The following CCDC157 variants were observed in gnomAD, a reference collection of about 807,000 sequenced individuals.
CCDC157 encodes coiled-coil domain-containing protein 157.
Under a neutral mutation model 70.9 loss-of-function variants are expected in CCDC157, and 60 were observed. The observed-to-expected ratio is 0.85, with a 90% CI of 0.69 to 1.05. CCDC157 has a LOEUF of 1.05. Ranked by LOEUF, CCDC157 falls within the 50% of genes least tolerant of loss-of-function variation. The probability of loss-of-function intolerance (pLI) is 0.00; values close to 1 mark genes in which losing one functional copy is unlikely to be tolerated. For synonymous variants in CCDC157, 373 were observed against 422.4 expected, an observed-to-expected ratio of 0.88 and a Z score of 1.43; for missense variants, 943 against 984.2, an observed-to-expected ratio of 0.96 and a Z score of 0.56.
At chr22:30,366,365 T>C in intron 3 of CCDC157, 117 bp downstream of exon 3, 2 of 1,294,982 alleles carry the variant, frequency 1.5e-6, no homozygotes, top group Non-Finnish European at 2.2e-6. Context: ...CAGTCACCAT[T>C]GAGTACCTGT....
intron 3 of CCDC157, among the ~76,000 whole-genome samples, chr22:30,367,360 A>T (rs1207419932): frequency 4.0e-5 from 6 of 151,704 alleles, no homozygotes. Context: ...TTCAGCCTCC[A>T]AAGTAGCTGG....
intron 3 of CCDC157, chr22:30,369,151 C>CT: frequency 3.4e-6 from 1 of 293,428 alleles, no homozygotes; most frequent in South Asian, 1.6e-4. Context: ...AAGGCCAGGC[C>CT]TGGCTTCACA....
chr22:30,376,368 G>A, intron 11 of CCDC157, 21 bp downstream of exon 11: 1 of 1,613,912 alleles, frequency 6.2e-7, no homozygotes, highest in Non-Finnish European at 8.5e-7. Context: ...CTTTACTGGA[G>A]GTGGGGCAGG....
At chr22:30,373,854 C>T (rs192309087) in intron 8 of CCDC157, 69 bp from the exon 9 acceptor site, 27 of 1,544,092 alleles carry the variant, frequency 1.7e-5, no homozygotes, top group Non-Finnish European at 2.1e-5. Flanking sequence ...TGGGTAGGGA[C>T]GGTGCCCCAG....
chr22:30,361,563 G>A (rs1414324346), intron 1 of CCDC157, among the ~76,000 whole-genome samples: 1 of 152,148 alleles, frequency 6.6e-6, no homozygotes, highest in Non-Finnish European at 1.5e-5. Flanking sequence ...TACCCCATCT[G>A]TGGCTAGTAG....
chr22:30,373,634 T>G lies in CCDC157; in HGVS notation c.1373T>G (p.Leu458Arg). Residue 458 changes from leucine (L) to arginine (R), a missense_variant, in exon 8 of 12, where the codon CTG becomes CGG. Physicochemically the swap from Leu to Arg is moderately radical, Grantham distance 102. Transcript: ENST00000338306. ...QAKQRALLKQ[L>R]DSLDQEREEL... ...AAGCAGCGAGCCCTGCTAAAGCAGCTGGACAGCCTGGACCAGGAACGTGAG... is the reference window on the plus strand; with the variant it reads ...AAGCAGCGAGCCCTGCTAAAGCAGCGGGACAGCCTGGACCAGGAACGTGAG... 1 of 1,557,766 alleles carries G rather than the reference T, an allele frequency of 6.4e-7. No homozygotes were observed. Among genetic ancestry groups the G allele is most frequent in the East Asian group, 2.4e-5 (1 of 41,636 alleles).
chr22:30,367,534 T>C (rs1932776136), intron 3 of CCDC157, among the ~76,000 whole-genome samples: 1 of 151,468 alleles, frequency 6.6e-6, no homozygotes, highest in Non-Finnish European at 1.5e-5. Flanking sequence ...CTACTGCACC[T>C]GGCTGGTGCG....
In CCDC157 at chr22:30,369,577, A is replaced by C; in HGVS notation, c.394A>C (p.Thr132Pro). ...RFWDSLLRLG[T>P]LHQQPLPQKG... is the part of the protein sequence containing the mutation. Reference sequence around the variant, plus strand: ...CTGGGACAGCCTGCTGAGGCTGGGCACGCTCCACCAGCAGCCACTCCCCCA... The same window carrying C: ...CTGGGACAGCCTGCTGAGGCTGGGCCCGCTCCACCAGCAGCCACTCCCCCA... The change falls in exon 4 of 12, where the codon ACG becomes CCG. Residue 132 changes from threonine (T) to proline (P), a missense_variant. By Grantham distance (38) the Thr-to-Pro change is conservative. Transcript: ENST00000338306. 1 of 1,581,438 alleles carries C rather than the reference A, an allele frequency of 6.3e-7. No homozygotes were observed. Among genetic ancestry groups the C allele is most frequent in the Non-Finnish European group, 8.6e-7 (1 of 1,166,176 alleles).
intron 2 of CCDC157, among the ~76,000 whole-genome samples, chr22:30,364,132 C>T (rs1932554900): frequency 6.6e-6 from 1 of 152,044 alleles, no homozygotes; most frequent in African/African-American, 2.4e-5. Context: ...CCCGTCTTTA[C>T]AAAAAATTTT....
Position 30,370,499 on chromosome 22 carries a change from C to G in CCDC157, c.594C>G (p.Phe198Leu), listed in dbSNP as rs144543602. The G allele has an allele frequency of 8.7e-6, 14 of 1,614,104 alleles. No homozygotes were observed. The highest frequency in any genetic ancestry group is 1.2e-5 in the Non-Finnish European group (14 of 1,180,028). The change falls in exon 5 of 12, where the codon TTC (phenylalanine) becomes TTG (leucine). Residue 198 changes from phenylalanine (F) to leucine (L), a missense_variant. Phe to Leu is a conservative substitution (Grantham distance 22, BLOSUM62 0). Transcript: ENST00000338306. Reference protein sequence around the residue: ...ESIPVRASLQFPATTFKNTRS... With the variant: ...ESIPVRASLQLPATTFKNTRS... ...TCCCTGTCAGAGCCTCCCTGCAGTT[C>G]CCAGCCACGACCTTCAAGAACACCA...
chr22:30,372,371 A>G (rs1277718317), intron 7 of CCDC157, 85 bp downstream of exon 7: 6 of 1,431,648 alleles, frequency 4.2e-6, no homozygotes, highest in Non-Finnish European at 5.5e-6. Context: ...ATGGGGGATC[A>G]TCTATATTGG....
In CCDC157 at chr22:30,370,769, G is replaced by C. The variant is rs200598609; in HGVS notation, c.864G>C (p.Lys288Asn). ...EQRKDLTRLSKHVEALRAQLE... is the reference protein window; with the variant it reads ...EQRKDLTRLSNHVEALRAQLE... The stretch of plus-strand genomic sequence containing the variant: ...GGAAAGACCTGACGCGCCTCAGTAA[G>C]CATGTGGAGGCCCTCAGGGCCCAGC... Residue 288 changes from lysine to asparagine, a missense_variant, in exon 5 of 12, where the codon AAG (lysine) becomes AAC (asparagine). By Grantham distance (94) the Lys-to-Asn change is moderately conservative. Transcript: ENST00000338306. The C allele has an allele frequency of 6.0e-5, 97 of 1,613,476 alleles. No individual in the cohort carries two copies. Among genetic ancestry groups the C allele is most frequent in the Non-Finnish European group, 7.6e-5 (90 of 1,179,996 alleles).
intron 3 of CCDC157, 82 bp downstream of exon 3, chr22:30,366,330 A>G (rs1932736807): frequency 6.4e-7 from 1 of 1,564,108 alleles, no homozygotes; most frequent in Non-Finnish European, 8.8e-7. Context: ...AAGCCCCTCC[A>G]GAGGCAGGGG....
chr22:30,363,879 G>A (rs937295593), intron 2 of CCDC157, among the ~76,000 whole-genome samples: 3 of 152,076 alleles, frequency 2.0e-5, no homozygotes, highest in Non-Finnish European at 4.4e-5. Context: ...TAGAGATGGG[G>A]TTTCACCATG....
rs192828024 is a variant in CCDC157, at chr22:30,372,316, A to G, written c.1335+30A>G. 6,722 of 1,499,516 alleles carry G rather than the reference A, an allele frequency of 4.5e-3. 38 individuals carry two copies. The highest frequency in any genetic ancestry group is 0.018 in the Middle Eastern group (95 of 5,286). 92.9% of individuals were successfully genotyped at this position (1,499,516 alleles called of 1,614,324 possible). A position where few individuals can be genotyped will look rare whatever the true frequency, so the allele number is the denominator to read the frequency against. ...GGCCAGGGCCCTCGCTAGCCTGGGC[A>G]TCTGCAATGTAGGCTGCAGGGAAAG... On this transcript the variant is annotated intron_variant, in intron 7 of 11. Transcript: ENST00000338306.
chr22:30,374,713 C>T, intron 9 of CCDC157: 1 of 456,754 alleles, frequency 2.2e-6, no homozygotes, highest in Non-Finnish European at 4.4e-6. Flanking sequence ...CAGGTCATAG[C>T]CCCATAGCTA....
Position 30,370,395 on chromosome 22 carries a change from G to T in CCDC157, c.490G>T (p.Glu164Ter). ...CAAGGGCGAGCCAGCCAGGAGCCCT[G>T]AATATCTGACTACCAAGTTAATCAA... ...TTKGEPARSPEYLTTKLIKPS... is the reference protein window; with the variant it reads ...TTKGEPARSP The change falls in exon 5 of 12, where the codon GAA becomes TAA. Residue 164 changes from glutamate (E) to a stop codon, truncating the protein, a stop_gained. Transcript: ENST00000338306. LOFTEE classifies it high-confidence loss of function. 1 of 1,614,098 alleles carries T rather than the reference G, an allele frequency of 6.2e-7. No homozygotes were observed. Among genetic ancestry groups the T allele is most frequent in the South Asian group, 1.1e-5 (1 of 91,080 alleles).
In CCDC157 at chr22:30,373,629, G is replaced by A; in HGVS notation, c.1368G>A (p.Lys456=). ...AGGCCAAGCAGCGAGCCCTGCTAAA[G>A]CAGCTGGACAGCCTGGACCAGGAAC... ...SLQAKQRALL[K]QLDSLDQERE... Residue 456 remains lysine, a synonymous_variant, in exon 8 of 12, where the codon AAG becomes AAA. Coordinates refer to ENST00000338306, the MANE Select transcript of CCDC157 (RefSeq NM_001017437.5). 1.3e-6 allele frequency: 2 copies of A among 1,557,438 alleles called. No individual in the cohort carries two copies. The highest frequency in any genetic ancestry group is 1.7e-6 in the Non-Finnish European group (2 of 1,150,332).
chr22:30,356,648 CGG>C, upstream of CCDC157: 1 of 1,117,590 alleles, frequency 8.9e-7, no homozygotes, highest in Non-Finnish European at 1.2e-6. Flanking sequence ...CCCTTCATAG[CGG>C]CCGGCCGCTT....
Sources: allele counts gnomAD v4.1 joint callset (sites outside exome capture counted in the v4.1 genomes callset), GRCh38; gene constraint gnomAD v4.1.1; transcripts MANE v1.5; gene names NCBI Gene and HGNC (gene_info 2026-07-23, HGNC 2026-07-21).